WDR7: variants seen among roughly 807,000 people sequenced by gnomAD.
The protein encoded by WDR7 is WD repeat-containing protein 7.
Under a neutral mutation model 169.4 loss-of-function variants are expected in WDR7, and 46 were observed. The ratio of observed to expected loss-of-function variants is 0.27; its 90% CI spans 0.21 to 0.35. WDR7 has a LOEUF of 0.35. WDR7 is among the 10% of genes least tolerant of loss of function. The pLI, the probability that WDR7 is intolerant of heterozygous loss-of-function variation, is 1.00. For synonymous variants in WDR7, 612 were observed against 666.8 expected (o/e 0.92, Z 1.27); for missense variants, 1,534 against 1,859.3 (o/e 0.83, Z 3.22).
intron 26 of WDR7, among the ~76,000 whole-genome samples, chr18:57,004,836 A>G (rs1253088456): frequency 6.6e-6 from 1 of 152,138 alleles, no homozygotes; most frequent in East Asian, 1.9e-4. Context: ...TTGAGTTCTG[A>G]GTTTTTCATA....
intron 9 of WDR7, among the ~76,000 whole-genome samples, chr18:56,693,540 C>T (rs1702148554): frequency 7.2e-6 from 1 of 139,582 alleles, no homozygotes; most frequent in Non-Finnish European, 1.5e-5. Context: ...GTTGCACAAG[C>T]TTGATAGTTC....
chr18:56,899,415 ATT>A (rs1050792905), intron 21 of WDR7, among the ~76,000 whole-genome samples: 1 of 152,032 alleles, frequency 6.6e-6, no homozygotes, highest in Admixed American at 6.6e-5. Flanking sequence ...CATATTCTGA[ATT>A]TTGTTTGTTG....
chr18:56,797,902 T>C lies in WDR7; in HGVS notation c.3190+16246T>C, dbSNP rs1245785208. 9.8e-5 allele frequency among the ~76,000 whole-genome samples: 15 copies of C among 152,342 alleles called. No individual in the cohort carries two copies. In the South Asian group the frequency reaches 3.1e-3, roughly 32 times the overall value. ...TTCATTCAGTCATCTTCATCTTCCC[T>C]TGGGCGTTTATAGCCACTTCAAACC... is the stretch of plus-strand genomic sequence containing the variant. On this transcript the variant is annotated intron_variant, in intron 19 of 27. Coordinates refer to ENST00000254442, the MANE Select transcript of WDR7 (RefSeq NM_015285.3).
intron 17 of WDR7, among the ~76,000 whole-genome samples, chr18:56,777,775 G>T (rs531961535): frequency 1.3e-5 from 2 of 152,282 alleles, no homozygotes; most frequent in East Asian, 3.9e-4. Flanking sequence ...AGCCCATGTT[G>T]CAAGCACCAC....
intron 26 of WDR7, among the ~76,000 whole-genome samples, chr18:57,017,008 G>A (rs181863955): frequency 1.3e-5 from 2 of 152,208 alleles, no homozygotes; most frequent in Non-Finnish European, 2.9e-5. Flanking sequence ...TTTGGAAAAT[G>A]TTCTTCAAGG....
In WDR7 at chr18:56,696,470, G is replaced by A; in HGVS notation, c.1578+8G>A. ...CCACCTGAAAACTGTAGTGTAAGTT[G>A]ATTTATATAAAAGATTATTTCACTA... is the stretch of plus-strand genomic sequence containing the variant. On this transcript the variant is annotated splice_region_variant and intron_variant, in intron 12 of 27. Coordinates refer to ENST00000254442, the MANE Select transcript of WDR7 (RefSeq NM_015285.3). 1 of 1,600,084 alleles carries A rather than the reference G, an allele frequency of 6.2e-7. No individual in the cohort carries two copies. The highest frequency in any genetic ancestry group is 8.5e-7 in the Non-Finnish European group (1 of 1,172,532).
At chr18:56,879,855 C>G (rs902082914) in intron 20 of WDR7, 89 bp from the exon 21 acceptor site, 2 of 1,048,214 alleles carry the variant, frequency 1.9e-6, no homozygotes, top group Non-Finnish European at 2.8e-6. Flanking sequence ...CTATTCTTTC[C>G]GAACGTGCAG....
intron 21 of WDR7, 59 bp from the exon 22 acceptor site, chr18:56,923,863 A>G: frequency 7.0e-7 from 1 of 1,424,696 alleles, no homozygotes; most frequent in Non-Finnish European, 9.3e-7. Context: ...ATGCTTCAAA[A>G]GAAACAATTA....
At chr18:56,908,069 G>A (rs143575906) in intron 21 of WDR7, among the ~76,000 whole-genome samples, 3 of 152,086 alleles carry the variant, frequency 2.0e-5, no homozygotes, top group South Asian at 2.1e-4. Context: ...ATTTAAGCTT[G>A]TATAGTTAGA....
At chr18:56,814,496 A>G (rs1236871625) in intron 19 of WDR7, among the ~76,000 whole-genome samples, 1 of 152,078 alleles carries the variant, frequency 6.6e-6, no homozygotes, top group African/African-American at 2.4e-5. Flanking sequence ...AGCTATCTTT[A>G]ATAAAGTAAT....
chr18:56,870,389 A>T (rs1225145723), intron 20 of WDR7, among the ~76,000 whole-genome samples: 1 of 152,132 alleles, frequency 6.6e-6, no homozygotes, highest in Non-Finnish European at 1.5e-5. Flanking sequence ...TGAAAACTCC[A>T]CTGAGGGCCA....
intron 19 of WDR7, among the ~76,000 whole-genome samples, chr18:56,807,763 T>A (rs2044800940): frequency 6.6e-6 from 1 of 152,046 alleles, no homozygotes; most frequent in Admixed American, 6.6e-5. Context: ...ATTCTTACAT[T>A]GTTATTTGAG....
intron 19 of WDR7, 42 bp from the exon 20 acceptor site, chr18:56,815,989 T>C: frequency 2.0e-6 from 3 of 1,480,288 alleles, no homozygotes; most frequent in Non-Finnish European, 2.7e-6. Flanking sequence ...GCTTTACTTT[T>C]CATTTTTTGA....
chr18:56,696,243 T>C lies in WDR7; in HGVS notation c.1359T>C (p.Gly453=). 2 of 1,599,616 alleles carry C rather than the reference T, an allele frequency of 1.3e-6. No individual in the cohort carries two copies. The highest frequency in any genetic ancestry group is 1.7e-6 in the Non-Finnish European group (2 of 1,172,242). The change falls in exon 12 of 28, where the codon GGT becomes GGC. Residue 453 remains glycine, a splice_region_variant and synonymous_variant. Coordinates refer to ENST00000254442, the MANE Select transcript of WDR7 (RefSeq NM_015285.3). The stretch of plus-strand genomic sequence containing the variant: ...TTAAATCCAAACCCTCATTCACAGG[T>C]TGGCCACCTCACAGAACACTCCGTG... ...LLQGEHMLRR[G]WPPHRTLRGH...
intron 25 of WDR7, among the ~76,000 whole-genome samples, chr18:56,946,435 A>G (rs1444788185): frequency 6.6e-6 from 1 of 152,034 alleles, no homozygotes; most frequent in Non-Finnish European, 1.5e-5. Context: ...TTCCTAAGGA[A>G]CCTAGAATGT....
At chr18:56,708,147 C>T (rs1250032092) in intron 12 of WDR7, among the ~76,000 whole-genome samples, 2 of 151,510 alleles carry the variant, frequency 1.3e-5, no homozygotes, top group Non-Finnish European at 2.9e-5. Context: ...GATTCTTGTG[C>T]CTCAGCCTCC....
At chr18:56,795,566 G>T (rs2044569775) in intron 19 of WDR7, among the ~76,000 whole-genome samples, 1 of 152,108 alleles carries the variant, frequency 6.6e-6, no homozygotes, top group South Asian at 2.1e-4. Context: ...TCCATGTAAT[G>T]ACTCATCTGC....
intron 12 of WDR7, 138 bp downstream of exon 12, chr18:56,696,600 A>G (rs2025709497): frequency 2.6e-6 from 2 of 771,734 alleles, no homozygotes; most frequent in Non-Finnish European, 4.0e-6. Flanking sequence ...TTTTAAAACT[A>G]AAATAATAGT....
rs1022255154 is a variant in WDR7 at position 56,798,561 on chromosome 18, G to A, written c.3190+16905G>A. On this transcript the variant is annotated intron_variant, in intron 19 of 27. Coordinates refer to ENST00000254442, the MANE Select transcript of WDR7 (RefSeq NM_015285.3). Reference sequence around the variant, plus strand: ...ATATCCTGGGCTAGAATAATTAAACGTGAAATTTGTTGCCTTTTCTCCAAT... The same window carrying A: ...ATATCCTGGGCTAGAATAATTAAACATGAAATTTGTTGCCTTTTCTCCAAT... Among the ~76,000 whole-genome samples, 11 of 152,168 alleles carry A rather than the reference G, an allele frequency of 7.2e-5. 1 individual carries two copies. Among genetic ancestry groups the A allele is most frequent in the East Asian group, 1.9e-4 (1 of 5,196 alleles).
Sources: allele counts gnomAD v4.1 joint callset (sites outside exome capture counted in the v4.1 genomes callset), GRCh38; gene constraint gnomAD v4.1.1; transcripts MANE v1.5; gene names NCBI Gene and HGNC (gene_info 2026-07-23, HGNC 2026-07-21).